THRAP3: variants seen among roughly 807,000 people sequenced by gnomAD.
The protein encoded by THRAP3 is thyroid hormone receptor associated protein 3.
A neutral mutation model predicts 101.0 loss-of-function variants in THRAP3; 16 were observed. That is an observed-to-expected ratio of 0.16 (90% CI 0.11 to 0.24). The LOEUF (loss-of-function observed/expected upper bound fraction) is 0.24, where lower values mean the gene tolerates loss of function less well. Among genes scored for constraint, THRAP3 ranks in the 10% least tolerant of loss-of-function variants. The pLI, the probability that THRAP3 is intolerant of heterozygous loss-of-function variation, is 1.00. For synonymous variants in THRAP3, 407 were observed against 422.6 expected (o/e 0.96, Z 0.45); for missense variants, 989 against 1,202.7 (o/e 0.82, Z 2.63).
chr1:36,212,709 C>G, the THRAP3 span, among the ~76,000 whole-genome samples: 9 of 151,884 alleles, frequency 5.9e-5, no homozygotes, highest in African/African-American at 9.7e-5. Context: ...CATGTGCCAC[C>G]ACACCCAGCA....
In THRAP3 at chr1:36,303,918, C is replaced by T. The variant is rs1570359878; in HGVS notation, c.2769C>T (p.Ala923=). Residue 923 remains alanine (A), a synonymous_variant, in exon 12 of 12, where the codon GCC becomes GCT. Coordinates refer to ENST00000354618, the MANE Select transcript of THRAP3 (RefSeq NM_005119.4). ...FRKSSTSPKW[A]HDKFSGEEGE... Reference sequence around the variant, plus strand: ...AATCAAGTACCAGCCCCAAGTGGGCCCATGACAAGTTCAGTGGGGAGGAAG... The same window carrying T: ...AATCAAGTACCAGCCCCAAGTGGGCTCATGACAAGTTCAGTGGGGAGGAAG... 1 of 1,613,410 alleles carries T rather than the reference C, an allele frequency of 6.2e-7. No individual in the cohort carries two copies. Among genetic ancestry groups the T allele is most frequent in the Non-Finnish European group, 8.5e-7 (1 of 1,179,766 alleles).
intron 1 of THRAP3, among the ~76,000 whole-genome samples, chr1:36,236,874 G>A (rs376573478): frequency 6.6e-6 from 1 of 151,980 alleles, no homozygotes; most frequent in Non-Finnish European, 1.5e-5. Flanking sequence ...ATAACTTTGA[G>A]TTTCTGTTCT....
intron 1 of THRAP3, among the ~76,000 whole-genome samples, chr1:36,228,468 C>T (rs933545722): frequency 1.3e-4 from 20 of 152,344 alleles, no homozygotes; most frequent in South Asian, 4.1e-4. Flanking sequence ...TTGATCCGAC[C>T]GTTTTGGCCT....
intron 4 of THRAP3, chr1:36,287,601 T>C: frequency 1.0e-6 from 1 of 985,440 alleles, no homozygotes; most frequent in South Asian, 4.7e-5. Flanking sequence ...AAGTATGGTC[T>C]TTGCCAAAAT....
At chr1:36,274,271 AC>A (rs1557437936) in intron 2 of THRAP3, among the ~76,000 whole-genome samples, 1 of 152,216 alleles carries the variant, frequency 6.6e-6, no homozygotes, top group Non-Finnish European at 1.5e-5. Context: ...TATTCAGAAA[AC>A]TGAAACATTG....
At chr1:36,294,086 A>G (rs41267277) in intron 8 of THRAP3, 151 bp downstream of exon 8, 2 of 1,422,778 alleles carry the variant, frequency 1.4e-6, no homozygotes, top group Non-Finnish European at 1.8e-6. Flanking sequence ...ACAAAGGGTT[A>G]ATTTTTATTA....
chr1:36,216,061 TTTC>T, the THRAP3 span, among the ~76,000 whole-genome samples: 1 of 152,090 alleles, frequency 6.6e-6, no homozygotes, highest in Non-Finnish European at 1.5e-5. Context: ...TAAAATTTTC[TTTC>T]TTTTTTCCCA....
intron 1 of THRAP3, 65 bp downstream of exon 1, chr1:36,224,570 CT>C: frequency 6.5e-6 from 1 of 152,724 alleles, no homozygotes; most frequent in Non-Finnish European, 1.5e-5. Flanking sequence ...CGTCTCTTAT[CT>C]TTTTTCCCCA....
chr1:36,290,296 C>T (rs528771507), intron 5 of THRAP3, among the ~76,000 whole-genome samples: 4 of 149,612 alleles, frequency 2.7e-5, no homozygotes, highest in South Asian at 4.3e-4. Flanking sequence ...CCTGGGTTCA[C>T]GCCATTCTCC....
chr1:36,282,693 A>G lies in THRAP3; in HGVS notation c.130A>G (p.Arg44Gly). ...SRSLSRSRKR[R>G]LSSRSRSRSY... ...ATCTCTCTCTCGTTCAAGGAAGCGCAGGCTGAGGTAAGGGGGTGTGACTTT... is the reference window on the plus strand; with the variant it reads ...ATCTCTCTCTCGTTCAAGGAAGCGCGGGCTGAGGTAAGGGGGTGTGACTTT... The change falls in exon 3 of 12, where the codon AGG becomes GGG. Residue 44 changes from arginine (R) to glycine (G), a missense_variant. Arg to Gly is a moderately radical substitution (Grantham distance 125). Coordinates refer to ENST00000354618, the MANE Select transcript of THRAP3 (RefSeq NM_005119.4). The G allele has an allele frequency of 6.2e-7, 1 of 1,614,150 alleles. No homozygotes were observed. Among genetic ancestry groups the G allele is most frequent in the Non-Finnish European group, 8.5e-7 (1 of 1,180,006 alleles).
the THRAP3 span, among the ~76,000 whole-genome samples, chr1:36,212,766 A>G: frequency 7.2e-5 from 11 of 152,152 alleles, no homozygotes; most frequent in Admixed American, 7.2e-4. Context: ...CCAGAAGAAG[A>G]GGAGTGGAAG....
chr1:36,250,903 C>T (rs1269134765), intron 1 of THRAP3, among the ~76,000 whole-genome samples: 2 of 151,986 alleles, frequency 1.3e-5, no homozygotes, highest in Non-Finnish European at 2.9e-5. Flanking sequence ...TGTGCCACCA[C>T]GCCCAGCTAA....
chr1:36,252,900 C>CT (rs756788886), intron 1 of THRAP3, among the ~76,000 whole-genome samples: 1 of 140,660 alleles, frequency 7.1e-6, no homozygotes, highest in Non-Finnish European at 1.5e-5. Context: ...GAGTGAGACT[C>CT]TGTCTCAAAA....
intron 2 of THRAP3, among the ~76,000 whole-genome samples, chr1:36,280,986 C>G (rs952322761): frequency 6.7e-6 from 1 of 149,196 alleles, no homozygotes; most frequent in Non-Finnish European, 1.5e-5. Context: ...AGTGCAATGG[C>G]GCGATCTTGG....
At chr1:36,277,420 G>A (rs1455331092) in intron 2 of THRAP3, among the ~76,000 whole-genome samples, 5 of 151,938 alleles carry the variant, frequency 3.3e-5, no homozygotes, top group African/African-American at 7.3e-5. Flanking sequence ...GGCTGGTCTC[G>A]AACTCCTGAC....
At position 36,286,218 on chromosome 1, in the gene THRAP3, C is replaced by T. The variant is rs763697394; in HGVS notation, c.138-150C>T. On this transcript the variant is annotated intron_variant, in intron 3 of 11. Transcript: ENST00000354618. The surrounding 1 kb of genome is among the most constrained non-coding windows in gnomAD (Gnocchi z 5.5). ...GTTTTTGTACTTAGTAAGGGCCATACGTAGTGGGATTAAATATTTGTGCCC... is the reference window on the plus strand; with the variant it reads ...GTTTTTGTACTTAGTAAGGGCCATATGTAGTGGGATTAAATATTTGTGCCC... 2.1e-4 allele frequency: 145 copies of T among 701,632 alleles called. No homozygotes were observed. Among genetic ancestry groups the T allele is most frequent in the Non-Finnish European group, 2.8e-4 (120 of 424,636 alleles). 43.5% of individuals were successfully genotyped at this position (701,632 alleles called of 1,614,324 possible).
intron 6 of THRAP3, 44 bp from the exon 7 acceptor site, chr1:36,292,554 G>C (rs748499290): frequency 2.0e-6 from 3 of 1,501,296 alleles, no homozygotes; most frequent in Non-Finnish European, 2.8e-6. Flanking sequence ...ATAGGCTTGA[G>C]CCACCATGCC....
At chr1:36,293,775 A>G (rs1645911364) in intron 7 of THRAP3, 76 bp from the exon 8 acceptor site, 3 of 1,289,122 alleles carry the variant, frequency 2.3e-6, no homozygotes, top group East Asian at 2.3e-5. Context: ...TCTATTAGCC[A>G]ACTTAAGAGC....
intron 1 of THRAP3, among the ~76,000 whole-genome samples, chr1:36,228,374 T>G (rs569279129): frequency 3.0e-4 from 45 of 152,340 alleles, no homozygotes; most frequent in African/African-American, 9.9e-4. Flanking sequence ...TCCGCCACTA[T>G]GTCCAGCTAA....
Sources: allele counts gnomAD v4.1 joint callset (sites outside exome capture counted in the v4.1 genomes callset), GRCh38; gene constraint gnomAD v4.1.1; non-coding constraint Gnocchi (gnomAD v3.1); transcripts MANE v1.5; gene names NCBI Gene and HGNC (gene_info 2026-07-23, HGNC 2026-07-21).